Variants in DIAPH2 observed in about 807,000 individuals in gnomAD.
DIAPH2 encodes the protein diaphanous related formin 2, also known as protein diaphanous homolog 2.
In DIAPH2, 35 loss-of-function variants were observed where a neutral mutation model predicts 92.7. That is an observed-to-expected ratio of 0.38 (90% CI 0.29 to 0.50). The LOEUF is 0.50. Among genes scored for constraint, DIAPH2 ranks in the 20% least tolerant of loss-of-function variants. The probability of loss-of-function intolerance (pLI) is 0.94; values close to 1 mark genes in which losing one functional copy is unlikely to be tolerated. For synonymous variants in DIAPH2, 301 were observed against 280.4 expected, an observed-to-expected ratio of 1.07 and a Z score of -0.73; for missense variants, 701 against 819.5, an observed-to-expected ratio of 0.86 and a Z score of 1.77.
At chrX:96,942,380 A>T (rs969407058) in intron 13 of DIAPH2, among the ~76,000 whole-genome samples, 14 of 111,108 alleles carry the variant, frequency 1.3e-4, no homozygotes, top group Middle Eastern at 9.3e-3. Flanking sequence ...TCCTGGAGGT[A>T]GTTTAAGCTT....
intron 26 of DIAPH2, among the ~76,000 whole-genome samples, chrX:97,465,039 G>C (rs1448937127): frequency 5.4e-5 from 6 of 110,709 alleles, no homozygotes; most frequent in Non-Finnish European, 3.8e-5. Flanking sequence ...TAGAGACAGG[G>C]TTTCTCCATT....
chrX:97,597,291 C>T lies in DIAPH2; in HGVS notation c.3242-1962C>T, dbSNP rs779183640. On this transcript the variant is annotated intron_variant, in intron 26 of 26. Coordinates refer to ENST00000324765, the MANE Select transcript of DIAPH2 (RefSeq NM_006729.5). ...GGCCCTGAACTCAATGTTTATCCTGCCTTGCAAAAGCTTCCATGTCTTTTC... is the reference window on the plus strand; with the variant it reads ...GGCCCTGAACTCAATGTTTATCCTGTCTTGCAAAAGCTTCCATGTCTTTTC... Among the ~76,000 whole-genome samples, 68 of 112,292 alleles carry T rather than the reference C, an allele frequency of 6.1e-4. 1 individual carries two copies. The highest frequency in any genetic ancestry group is 2.3e-3 in the Admixed American group (24 of 10,638).
chrX:97,519,851 G>A (rs1210112712), intron 26 of DIAPH2, among the ~76,000 whole-genome samples: 4 of 110,486 alleles, frequency 3.6e-5, no homozygotes, highest in Admixed American at 1.9e-4. Flanking sequence ...TCAGCCTCCC[G>A]AGTAGCTGGC....
chrX:96,855,128 G>T (rs1296741138), intron 4 of DIAPH2, among the ~76,000 whole-genome samples: 1 of 109,706 alleles, frequency 9.1e-6, no homozygotes, highest in Non-Finnish European at 1.9e-5. Flanking sequence ...CCGTTGCTTG[G>T]AATATTTTTC....
At chrX:96,927,096 G>A (rs1441621537) in intron 9 of DIAPH2, among the ~76,000 whole-genome samples, 3 of 111,252 alleles carry the variant, frequency 2.7e-5, no homozygotes, top group African/African-American at 9.8e-5. Context: ...AAAATGCAAG[G>A]CTAAAGGTCA....
At chrX:97,309,695 T>A (rs979228287) in intron 23 of DIAPH2, among the ~76,000 whole-genome samples, 6 of 112,357 alleles carry the variant, frequency 5.3e-5, no homozygotes, top group Non-Finnish European at 1.1e-4. Context: ...AAGAAAGTGC[T>A]ATGTTTAGAT....
intron 26 of DIAPH2, among the ~76,000 whole-genome samples, chrX:97,500,390 C>G (rs1270422538): frequency 9.0e-6 from 1 of 111,165 alleles, no homozygotes; most frequent in Admixed American, 9.7e-5. Context: ...AAGAGGATAG[C>G]AAAGTGCCTA....
At chrX:96,775,999 CAGTGTT>C (rs1472080028) in intron 4 of DIAPH2, among the ~76,000 whole-genome samples, 4 of 111,359 alleles carry the variant, frequency 3.6e-5, no homozygotes, top group Non-Finnish European at 7.5e-5. Context: ...CTTTATTACT[CAGTGTT>C]AGTTTAGAAG....
intron 23 of DIAPH2, among the ~76,000 whole-genome samples, chrX:97,313,720 C>A (rs2068816764): frequency 9.1e-6 from 1 of 109,812 alleles, no homozygotes; most frequent in Non-Finnish European, 1.9e-5. Context: ...CTCACTGCAA[C>A]ATCCACCTCC....
At chrX:97,524,065 C>T (rs2071008233) in intron 26 of DIAPH2, among the ~76,000 whole-genome samples, 1 of 111,352 alleles carries the variant, frequency 9.0e-6, no homozygotes, top group Non-Finnish European at 1.9e-5. Context: ...CTCTTTGCTC[C>T]TTACCATACT....
chrX:97,270,789 A>C (rs1482324476), intron 23 of DIAPH2, among the ~76,000 whole-genome samples: 3 of 110,815 alleles, frequency 2.7e-5, no homozygotes, highest in Non-Finnish European at 3.8e-5. Flanking sequence ...ACCTTCTTCC[A>C]CATAACTGTA....
At chrX:97,078,301 G>C (rs1474636) in intron 19 of DIAPH2, among the ~76,000 whole-genome samples, 35,667 of 110,791 alleles carry the variant, frequency 0.32, 4,578 homozygotes, top group South Asian at 0.5. Flanking sequence ...AGAATAATTT[G>C]TAAAGATATG....
At chrX:97,568,907 G>C (rs1221306272) in intron 26 of DIAPH2, among the ~76,000 whole-genome samples, 2 of 111,709 alleles carry the variant, frequency 1.8e-5, no homozygotes, top group Non-Finnish European at 3.8e-5. Flanking sequence ...AAAAGTAGGT[G>C]GCATAAAGAA....
intron 10 of DIAPH2, among the ~76,000 whole-genome samples, chrX:96,931,737 A>AGCATAAATT (rs2065620828): frequency 9.0e-6 from 1 of 111,596 alleles, no homozygotes; most frequent in Non-Finnish European, 1.9e-5. Flanking sequence ...ATCAATATGT[A>AGCATAAATT]GCATAAATTT....
chrX:97,543,932 A>G (rs1229474334), intron 26 of DIAPH2, among the ~76,000 whole-genome samples: 2 of 112,332 alleles, frequency 1.8e-5, no homozygotes, highest in Non-Finnish European at 3.8e-5. Flanking sequence ...AAATATTTAC[A>G]TTGTATTCAT....
At chrX:97,085,147 A>G (rs2147347511) in intron 19 of DIAPH2, among the ~76,000 whole-genome samples, 1 of 111,760 alleles carries the variant, frequency 8.9e-6, no homozygotes, top group East Asian at 2.8e-4. Flanking sequence ...ATACTGAGTG[A>G]TATTAGAATC....
chrX:97,503,174 A>G (rs1479231702), intron 26 of DIAPH2, among the ~76,000 whole-genome samples: 2 of 112,228 alleles, frequency 1.8e-5, no homozygotes, highest in Non-Finnish European at 3.8e-5. Flanking sequence ...TAAGTTCCAG[A>G]CATTTTACTA....
intron 7 of DIAPH2, among the ~76,000 whole-genome samples, chrX:96,914,735 G>A (rs1299411450): frequency 1.8e-5 from 2 of 110,377 alleles, no homozygotes; most frequent in African/African-American, 3.3e-5. Context: ...TGGCAGTTTC[G>A]GAAAGCATAA....
chrX:97,247,685 A>T (rs751488143), intron 22 of DIAPH2, 30 bp from the exon 23 acceptor site: 1 of 1,157,543 alleles, frequency 8.6e-7, no homozygotes, highest in Non-Finnish European at 1.2e-6. Flanking sequence ...TTGGTAAAAT[A>T]TTCTAAATCC....
Sources: gnomAD v4.1 joint callset for allele counts (sites outside exome capture counted in the v4.1 genomes callset) on GRCh38, gnomAD v4.1.1 for gene constraint, MANE v1.5 for transcripts, NCBI Gene and HGNC (gene_info 2026-07-23, HGNC 2026-07-21) for gene names.